The following NPAS2 variants were observed in gnomAD, a reference collection of about 807,000 sequenced individuals.
NPAS2 encodes the protein neuronal PAS domain protein 2.
In NPAS2, 23 loss-of-function variants were observed where a neutral mutation model predicts 107.5. That is an observed-to-expected ratio of 0.21 (90% confidence interval 0.15 to 0.30). The LOEUF is 0.30. NPAS2 is among the 10% of genes least tolerant of loss of function. The probability of loss-of-function intolerance (pLI) is 1.00; values close to 1 mark genes in which losing one functional copy is unlikely to be tolerated. For missense variants in NPAS2, 756 were observed against 1,043.3 expected, an observed-to-expected ratio of 0.72 and a Z score of 3.79; for synonymous variants, 403 against 417.5, an observed-to-expected ratio of 0.97 and a Z score of 0.42.
intron 15 of NPAS2, 108 bp from the exon 16 acceptor site, chr2:100,982,123 A>T (rs1002647396): frequency 2.2e-6 from 3 of 1,342,120 alleles, no homozygotes; most frequent in Non-Finnish European, 3.1e-6. Flanking sequence ...GCTGGGAAAG[A>T]CGGCTAAGGG....
rs1684421881 is a variant in NPAS2, at chr2:100,937,753, G to A, written c.274G>A (p.Ala92Thr). ...NEEFTQLMLE[A>T]LDGFIIAVTT... ...CTTTCAAATGTTGCATTTTCCACAG[G>A]CATTAGATGGCTTCATTATCGCAGT... The change falls in exon 5 of 21, where the codon GCA becomes ACA. Residue 92 changes from alanine (A) to threonine (T), a missense_variant and splice_region_variant. Physicochemically the swap from Ala to Thr is moderately conservative, Grantham distance 58. Transcript: ENST00000335681. 1 of 1,612,800 alleles carries A rather than the reference G, an allele frequency of 6.2e-7. No homozygotes were observed. The highest frequency in any genetic ancestry group is 8.5e-7 in the Non-Finnish European group (1 of 1,178,802).
rs138523991 is a variant in NPAS2 at position 100,944,489 on chromosome 2, C to T, written c.364-3746C>T. On this transcript the variant is annotated intron_variant, in intron 5 of 20. Coordinates refer to ENST00000335681, the MANE Select transcript of NPAS2 (RefSeq NM_002518.4). ...CGATCGTGGGACTCGGCTGTAAAGA[C>T]GGCTGTGGATGGCACATTCCCTCCC... 4.5e-3 allele frequency among the ~76,000 whole-genome samples: 679 copies of T among 152,220 alleles called. 8 individuals are homozygous for T. Among genetic ancestry groups the T allele is most frequent in the African/African-American group, 0.016 (647 of 41,538 alleles).
At chr2:100,835,194 A>G (rs1453459064) in intron 1 of NPAS2, among the ~76,000 whole-genome samples, 1 of 152,192 alleles carries the variant, frequency 6.6e-6, no homozygotes, top group Non-Finnish European at 1.5e-5. Flanking sequence ...CATACAGGCC[A>G]CCGGGGCGCA....
At chr2:100,978,869 C>T (rs1184399635) in intron 15 of NPAS2, among the ~76,000 whole-genome samples, 1 of 152,198 alleles carries the variant, frequency 6.6e-6, no homozygotes, top group Non-Finnish European at 1.5e-5. Context: ...GGCAGGGGGA[C>T]AGCAGGGATG....
In NPAS2 at chr2:100,976,262, C is replaced by T. The variant is rs1340546054; in HGVS notation, c.1392+695C>T. Among the ~76,000 whole-genome samples, 1 of 152,028 alleles carries T rather than the reference C, an allele frequency of 6.6e-6. No individual in the cohort carries two copies. The highest frequency in any genetic ancestry group is 1.5e-5 in the Non-Finnish European group (1 of 68,026). ...TGCACATGAATGTCCAGCAGCCGGG[C>T]TGGGTGGCTGAGGGCTGGGCTCAGC... On this transcript the variant is annotated intron_variant, in intron 14 of 20. Transcript: ENST00000335681. The surrounding 1 kb of genome is among the most constrained non-coding windows in gnomAD (Gnocchi z 4.1).
chr2:100,942,124 A>G (rs938974980), intron 5 of NPAS2, among the ~76,000 whole-genome samples: 10 of 152,214 alleles, frequency 6.6e-5, no homozygotes, highest in African/African-American at 2.4e-4. Context: ...ACAAGTGTTC[A>G]TAAAACTGGA....
At chr2:100,873,293 T>TAC in intron 1 of NPAS2, among the ~76,000 whole-genome samples, 1 of 45,746 alleles carries the variant, frequency 2.2e-5, no homozygotes, top group Admixed American at 2.2e-4. Flanking sequence ...TATATATATA[T>TAC]ATATATATAT....
rs377189738 is a variant in NPAS2 at position 100,923,134 on chromosome 2, C to T, written c.33-2012C>T. Among the ~76,000 whole-genome samples the T allele has an allele frequency of 1.1e-4, 16 of 152,262 alleles. 1 individual carries two copies. Among genetic ancestry groups the T allele is most frequent in the Admixed American group, 7.8e-4 (12 of 15,300 alleles). ...TTAGCCTGGACTAGCAACAAGACTC[C>T]GCAACATCTTGCTGCCACGCCTGCA... On this transcript the variant is annotated intron_variant, in intron 2 of 20. Transcript: ENST00000335681.
At chr2:100,907,575 G>A (rs545705020) in intron 2 of NPAS2, among the ~76,000 whole-genome samples, 1 of 151,814 alleles carries the variant, frequency 6.6e-6, no homozygotes, top group Non-Finnish European at 1.5e-5. Context: ...AACATGGGAG[G>A]CCCTTCCCCT....
chr2:100,923,533 C>A (rs1335907352), intron 2 of NPAS2, among the ~76,000 whole-genome samples: 1 of 152,182 alleles, frequency 6.6e-6, no homozygotes, highest in Non-Finnish European at 1.5e-5. Context: ...TAGATACTTA[C>A]ACCTGCTCCA....
intron 15 of NPAS2, among the ~76,000 whole-genome samples, chr2:100,979,402 G>GATGC (rs1553465732): frequency 6.7e-6 from 1 of 148,794 alleles, no homozygotes; most frequent in Non-Finnish European, 1.5e-5. Context: ...ACGATGGTGT[G>GATGC]ATGCAGTCTC....
intron 1 of NPAS2, among the ~76,000 whole-genome samples, chr2:100,843,623 T>C (rs1417165364): frequency 6.6e-6 from 1 of 152,210 alleles, no homozygotes; most frequent in African/African-American, 2.4e-5. Flanking sequence ...TTTTCTGTTA[T>C]TTAACACTTA....
Position 100,854,249 on chromosome 2 carries a change from G to A in NPAS2, c.-23+33835G>A, listed in dbSNP as rs140453337. Among the ~76,000 whole-genome samples the A allele has an allele frequency of 1.9e-4, 29 of 152,090 alleles. No individual in the cohort carries two copies. The South Asian group carries it at 5.2e-3, about 27-fold the overall frequency. Reference sequence around the variant, plus strand: ...TGGCGTGGCATGTAGCCTTAGAGACGGGCTCCTAGGCATGGAGTGGGAGGA... The same window carrying A: ...TGGCGTGGCATGTAGCCTTAGAGACAGGCTCCTAGGCATGGAGTGGGAGGA... On this transcript the variant is annotated intron_variant, in intron 1 of 20. Transcript: ENST00000335681.
At chr2:100,958,678 C>T (rs547606915) in intron 7 of NPAS2, among the ~76,000 whole-genome samples, 1 of 152,248 alleles carries the variant, frequency 6.6e-6, no homozygotes, top group South Asian at 2.1e-4. Context: ...CATCTTTCTG[C>T]TCGTTTCAGT....
chr2:100,924,020 A>T (rs1292817361), intron 2 of NPAS2, among the ~76,000 whole-genome samples: 1 of 152,186 alleles, frequency 6.6e-6, no homozygotes, highest in Non-Finnish European at 1.5e-5. Flanking sequence ...TCTCTAACCA[A>T]GCAGCTTCCC....
intron 1 of NPAS2, among the ~76,000 whole-genome samples, chr2:100,858,584 A>G (rs2104515000): frequency 6.6e-6 from 1 of 152,316 alleles, no homozygotes; most frequent in South Asian, 2.1e-4. Context: ...GGTGCTGAGC[A>G]AGGAGCAATT....
Position 100,925,215 on chromosome 2 carries a change from C to T in NPAS2, c.102C>T (p.Ser34=), listed in dbSNP as rs1419844062. ...QFNVLIKELS[S]MLPGNTRKMD... is the part of the protein sequence containing the mutation. ...ATGTTCTCATCAAAGAGCTCAGTTC[C>T]ATGCTCCCTGGCAACACGCGGAAAA... is the stretch of plus-strand genomic sequence containing the variant. The change falls in exon 3 of 21, where the codon TCC becomes TCT. Residue 34 remains serine, a synonymous_variant. Transcript: ENST00000335681. 1 of 1,614,024 alleles carries T rather than the reference C, an allele frequency of 6.2e-7. No individual in the cohort carries two copies. Among genetic ancestry groups the T allele is most frequent in the East Asian group, 2.2e-5 (1 of 44,890 alleles).
intron 1 of NPAS2, among the ~76,000 whole-genome samples, chr2:100,863,872 T>A (rs1429411962): frequency 6.6e-6 from 1 of 152,198 alleles, no homozygotes; most frequent in Non-Finnish European, 1.5e-5. Context: ...TCTCCTTCTC[T>A]CTCTCTCATG....
At chr2:100,887,359 G>A (rs1013114840) in intron 1 of NPAS2, among the ~76,000 whole-genome samples, 3 of 152,184 alleles carry the variant, frequency 2.0e-5, no homozygotes, top group South Asian at 2.1e-4. Flanking sequence ...GGCCTCCTCC[G>A]TGGCATGGGG....
Sources: allele counts gnomAD v4.1 joint callset (sites outside exome capture counted in the v4.1 genomes callset), GRCh38; gene constraint gnomAD v4.1.1; non-coding constraint Gnocchi (gnomAD v3.1); transcripts MANE v1.5; gene names NCBI Gene and HGNC (gene_info 2026-07-23, HGNC 2026-07-21).